Variants in BAIAP2 observed in about 807,000 individuals in gnomAD.
The protein encoded by BAIAP2 is BAR/IMD domain containing adaptor protein 2, also known as BAR/IMD domain-containing adapter protein 2.
A neutral mutation model predicts 63.0 loss-of-function variants in BAIAP2; 18 were observed. That is an observed-to-expected ratio of 0.29 (90% CI 0.20 to 0.42). The LOEUF is 0.42. BAIAP2 is among the 10% of genes least tolerant of loss of function. The pLI is 1.00. For synonymous variants in BAIAP2, 386 were observed against 307.6 expected (o/e 1.25, Z -2.67); for missense variants, 610 against 734.3 (o/e 0.83, Z 1.96).
intron 3 of BAIAP2, among the ~76,000 whole-genome samples, chr17:81,071,960 C>G (rs1399880069): frequency 3.3e-5 from 5 of 152,246 alleles, no homozygotes; most frequent in African/African-American, 9.6e-5. Context: ...TGCTGCCTCT[C>G]CTCTCGTCCG....
chr17:81,112,636 G>T (rs1402380073), intron 13 of BAIAP2, among the ~76,000 whole-genome samples: 1 of 152,256 alleles, frequency 6.6e-6, no homozygotes, highest in Non-Finnish European at 1.5e-5. Context: ...GACGCGAGAA[G>T]ACAGAAAACA....
At chr17:81,112,980 C>T (rs981651941) in intron 13 of BAIAP2, among the ~76,000 whole-genome samples, 7 of 152,180 alleles carry the variant, frequency 4.6e-5, no homozygotes, top group African/African-American at 1.7e-4. Flanking sequence ...TGCTTGAGCC[C>T]AGAGGTGGAG....
intron 6 of BAIAP2, chr17:81,087,454 C>T (rs1297732164): frequency 3.3e-5 from 5 of 152,276 alleles, no homozygotes; most frequent in African/African-American, 4.8e-5. Flanking sequence ...GCTGTGGCCT[C>T]GCCCTGGGAC....
At chr17:81,100,137 C>T (rs2058288771) in intron 7 of BAIAP2, 57 bp downstream of exon 7, 1 of 1,551,670 alleles carries the variant, frequency 6.4e-7, no homozygotes, top group Admixed American at 1.9e-5. Flanking sequence ...CAGAAATGAC[C>T]CAGGCCCCTG....
intron 3 of BAIAP2, among the ~76,000 whole-genome samples, chr17:81,071,854 G>A (rs1463429630): frequency 6.6e-6 from 1 of 152,264 alleles, no homozygotes. Flanking sequence ...GTAGGGCCTT[G>A]TGGGTGGCCG....
chr17:81,038,968 G>T (rs1353252050), intron 1 of BAIAP2, among the ~76,000 whole-genome samples: 1 of 152,222 alleles, frequency 6.6e-6, no homozygotes, highest in African/African-American at 2.4e-5. Flanking sequence ...CTCCGTGCGC[G>T]TGTACATGTG....
At chr17:81,055,574 G>GTTTTTGTTTTTTT (rs1555657875) in intron 2 of BAIAP2, among the ~76,000 whole-genome samples, 1 of 123,406 alleles carries the variant, frequency 8.1e-6, no homozygotes, top group Non-Finnish European at 1.7e-5. Context: ...AGGGTGTTTT[G>GTTTTTGTTTTTTT]TTTTTTTTTG....
At chr17:81,085,811 G>T (rs1205908446) in intron 5 of BAIAP2, 86 bp downstream of exon 5, 2 of 1,064,792 alleles carry the variant, frequency 1.9e-6, no homozygotes, top group Non-Finnish European at 2.8e-6. Flanking sequence ...TCGGCCTGAA[G>T]GCTTCCCACT....
In BAIAP2 at chr17:81,072,870, G is replaced by A. The variant is rs779804641; in HGVS notation, c.218-11962G>A. On this transcript the variant is annotated intron_variant, in intron 3 of 13. Transcript: ENST00000428708. Reference sequence around the variant, plus strand: ...CCTTGCTCTGGGGCCGGGCTGTCCCGTGGGCCTCACGGACCTCATTGTCTG... The same window carrying A: ...CCTTGCTCTGGGGCCGGGCTGTCCCATGGGCCTCACGGACCTCATTGTCTG... 3.6e-4 allele frequency among the ~76,000 whole-genome samples: 55 copies of A among 151,910 alleles called. 1 individual carries two copies. Among genetic ancestry groups the A allele is most frequent in the Admixed American group, 3.9e-4 (6 of 15,258 alleles).
chr17:81,035,856 C>T (rs578208327), intron 1 of BAIAP2: 24 of 152,336 alleles, frequency 1.6e-4, no homozygotes, highest in African/African-American at 5.1e-4. Context: ...CAGGCTTTCC[C>T]TTCCCACAAC....
intron 9 of BAIAP2, 41 bp downstream of exon 9, chr17:81,104,149 G>T: frequency 6.2e-6 from 10 of 1,603,328 alleles, no homozygotes; most frequent in Admixed American, 1.7e-5. Context: ...GTCCCTGGAC[G>T]TGCCTCCTCA....
chr17:81,053,319 C>T lies in BAIAP2; in HGVS notation c.55-349C>T, dbSNP rs74791265. On this transcript the variant is annotated intron_variant, in intron 1 of 13. Transcript: ENST00000428708. ...GGGCCCTTCTGGGCTGACTCAGCCG[C>T]GCCAATGGGAACGGCACCTCGGCAG... The T allele has an allele frequency of 8.0e-4, 211 of 263,360 alleles. 4 individuals are homozygous for T. In the East Asian group the frequency reaches 0.016, roughly 20 times the overall value. The allele number at this position is 263,360 out of a possible 1,614,324, so 16.3% of individuals were successfully genotyped here.
At chr17:81,077,171 T>C (rs916541241) in intron 3 of BAIAP2, among the ~76,000 whole-genome samples, 3 of 152,156 alleles carry the variant, frequency 2.0e-5, no homozygotes, top group African/African-American at 7.2e-5. Context: ...TGGGTTTCTC[T>C]TCGGGGTGAT....
intron 3 of BAIAP2, among the ~76,000 whole-genome samples, chr17:81,067,817 C>T (rs372757138): frequency 1.3e-5 from 2 of 152,252 alleles, no homozygotes; most frequent in East Asian, 1.9e-4. Context: ...GGTCTCTCCC[C>T]TGAGATGCCG....
chr17:81,079,075 G>A (rs1293984444), intron 3 of BAIAP2, among the ~76,000 whole-genome samples: 2 of 152,180 alleles, frequency 1.3e-5, no homozygotes, highest in East Asian at 1.9e-4. Context: ...GATGGAAAGG[G>A]CCCTCTCCGC....
At chr17:81,074,521 T>A (rs1185305292) in intron 3 of BAIAP2, among the ~76,000 whole-genome samples, 1 of 144,036 alleles carries the variant, frequency 6.9e-6, no homozygotes, top group Non-Finnish European at 1.5e-5. Context: ...TGCGTACGAG[T>A]TGCCTGTGTG....
intron 6 of BAIAP2, among the ~76,000 whole-genome samples, chr17:81,090,816 G>A (rs201789619): frequency 1.3e-5 from 2 of 152,168 alleles, no homozygotes; most frequent in East Asian, 1.9e-4. Flanking sequence ...TGCCGGCCTC[G>A]CTGCTCCAGG....
intron 3 of BAIAP2, chr17:81,076,243 C>CTT (rs2053643989): frequency 6.6e-6 from 1 of 152,240 alleles, no homozygotes; most frequent in East Asian, 1.9e-4. Context: ...CTCATTCTTG[C>CTT]TTTATCTTCC....
At chr17:81,065,266 C>T (rs906068245) in intron 3 of BAIAP2, among the ~76,000 whole-genome samples, 4 of 152,200 alleles carry the variant, frequency 2.6e-5, no homozygotes, top group Non-Finnish European at 5.9e-5. Context: ...CGAGGGAGGG[C>T]GGGCCCAGCC....
Sources: allele counts gnomAD v4.1 joint callset (sites outside exome capture counted in the v4.1 genomes callset), GRCh38; gene constraint gnomAD v4.1.1; transcripts MANE v1.5; gene names NCBI Gene and HGNC (gene_info 2026-07-23, HGNC 2026-07-21).